ASCC1: variants seen among roughly 807,000 people sequenced by gnomAD.
ASCC1 encodes activating signal cointegrator 1 complex subunit 1.
ASCC1 carries 35 observed loss-of-function variants against 46.6 expected under a neutral mutation model. The observed-to-expected ratio is 0.75, with a 90% CI of 0.57 to 0.99. The LOEUF (loss-of-function observed/expected upper bound fraction) is 0.99, where lower values mean the gene tolerates loss of function less well. ASCC1 is among the 50% of genes least tolerant of loss of function. The probability of loss-of-function intolerance (pLI) is 0.00; values close to 1 mark genes in which losing one functional copy is unlikely to be tolerated. For synonymous variants in ASCC1, 143 were observed against 146.6 expected (o/e 0.98, Z 0.18); for missense variants, 376 against 428.7 (o/e 0.88, Z 1.09).
intron 4 of ASCC1, among the ~76,000 whole-genome samples, chr10:72,201,669 T>C (rs1000044391): frequency 5.3e-5 from 8 of 151,772 alleles, no homozygotes; most frequent in African/African-American, 1.9e-4. Context: ...CTGGGCGACA[T>C]GCTCTTGCCT....
At chr10:72,211,564 G>A (rs962941610) in intron 2 of ASCC1, among the ~76,000 whole-genome samples, 5 of 151,984 alleles carry the variant, frequency 3.3e-5, no homozygotes, top group African/African-American at 1.2e-4. Flanking sequence ...ACTCCAGAAT[G>A]CGCTTGTCTC....
Position 72,177,190 on chromosome 10 carries a change from CA to C in ASCC1, c.490-15517del, listed in dbSNP as rs1393288866. 5.9e-5 allele frequency among the ~76,000 whole-genome samples: 9 copies of C among 152,244 alleles called. 1 individual carries two copies. In the East Asian group the frequency reaches 1.7e-3, roughly 29 times the overall value. ...AACTAGTATCTCCACCGAAATGGGA[CA>C]ATATATGAATCTTGTAAATATTTCC... On this transcript the variant is annotated intron_variant, in intron 5 of 9. Coordinates refer to ENST00000672957, the MANE Select transcript of ASCC1 (RefSeq NM_001198800.3).
chr10:72,192,271 T>C (rs1229326138), intron 5 of ASCC1, among the ~76,000 whole-genome samples: 1 of 151,800 alleles, frequency 6.6e-6, no homozygotes, highest in Non-Finnish European at 1.5e-5. Flanking sequence ...CTGGCCAATA[T>C]GGTGAAACCC....
chr10:72,198,779 T>C, intron 4 of ASCC1: 1 of 431,594 alleles, frequency 2.3e-6, no homozygotes, highest in Middle Eastern at 3.6e-4. Flanking sequence ...ACATTTGGTT[T>C]TTCTATATAC....
intron 6 of ASCC1, chr10:72,158,965 C>A (rs1373259916): frequency 1.3e-5 from 2 of 152,020 alleles, no homozygotes; most frequent in Non-Finnish European, 2.9e-5. Context: ...AACAGAAGTA[C>A]CCTTTTTGTT....
At chr10:72,202,211 A>T (rs1229013547) in intron 4 of ASCC1, among the ~76,000 whole-genome samples, 1 of 152,176 alleles carries the variant, frequency 6.6e-6, no homozygotes, top group African/African-American at 2.4e-5. Context: ...TCACGCCTGT[A>T]ATCCCAGCAC....
At chr10:72,097,778 C>T (rs907640395) in intron 9 of ASCC1, among the ~76,000 whole-genome samples, 4 of 152,266 alleles carry the variant, frequency 2.6e-5, no homozygotes, top group Non-Finnish European at 5.9e-5. Flanking sequence ...CATGGCCACA[C>T]CCTGACTCAC....
At chr10:72,203,995 T>C (rs1486407648) in intron 3 of ASCC1, among the ~76,000 whole-genome samples, 1 of 152,110 alleles carries the variant, frequency 6.6e-6, no homozygotes, top group Admixed American at 6.6e-5. Flanking sequence ...ACGCCTGTAA[T>C]CCCAGCACTC....
At chr10:72,097,523 T>C in intron 9 of ASCC1, 73 bp from the exon 10 acceptor site, 1 of 919,374 alleles carries the variant, frequency 1.1e-6, no homozygotes, top group Admixed American at 1.9e-5. Flanking sequence ...CAGATTATCT[T>C]GTAAAAACAC....
chr10:72,161,594 C>T lies in ASCC1; in HGVS notation c.570G>A (p.Glu190=), dbSNP rs1291368665. The change falls in exon 6 of 10, where the codon GAG becomes GAA. Residue 190 remains glutamate, a synonymous_variant. Transcript: ENST00000672957. ...LTIGMLVLLS[E]EEIQQTCEML... The stretch of plus-strand genomic sequence containing the variant: ...TCTCACATGTCTGCTGGATCTCTTC[C>T]TCACTCAAAAGCACCAACATCCCAA... 2 of 1,614,064 alleles carry T rather than the reference C, an allele frequency of 1.2e-6. No homozygotes were observed. The highest frequency in any genetic ancestry group is 2.7e-5 in the African/African-American group (2 of 74,914).
At chr10:72,182,872 C>G (rs1303517955) in intron 5 of ASCC1, among the ~76,000 whole-genome samples, 1 of 146,694 alleles carries the variant, frequency 6.8e-6, no homozygotes, top group African/African-American at 2.7e-5. Flanking sequence ...TGACCTTACC[C>G]TGGATCTTGT....
rs191784869 is a variant in ASCC1 at position 72,108,473 on chromosome 10, T to C, written c.958-11023A>G. Among the ~76,000 whole-genome samples the C allele has an allele frequency of 9.3e-4, 142 of 152,348 alleles. 2 individuals carry two copies. The highest frequency in any genetic ancestry group is 1.7e-3 in the Non-Finnish European group (113 of 68,026). ...TTATAGCTCATAAACCAACCTTGTA[T>C]AGAAAATGTTATAATCCTACTAAAT... is the stretch of plus-strand genomic sequence containing the variant. On this transcript the variant is annotated intron_variant, in intron 9 of 9. Coordinates refer to ENST00000672957, the MANE Select transcript of ASCC1 (RefSeq NM_001198800.3).
rs765721768 is a variant in ASCC1 at position 72,128,139 on chromosome 10, C to T, written c.900G>A (p.Ala300=). 67 of 1,613,698 alleles carry T rather than the reference C, an allele frequency of 4.2e-5. No homozygotes were observed. The highest frequency in any genetic ancestry group is 6.7e-5 in the East Asian group (3 of 44,854). The stretch of plus-strand genomic sequence containing the variant: ...TTTCCTTGAAGATATATTTGCCTTC[C>T]GCTGTGTAGAGATTGTACCTGCCTT... ...NAEGRYNLYT[A]EGKYIFKERE... Residue 300 remains alanine, a synonymous_variant, in exon 9 of 10, where the codon GCG becomes GCA. Transcript: ENST00000672957.
At position 72,097,039 on chromosome 10, in the gene ASCC1, A is replaced by G. The variant is rs1342275809; in HGVS notation, c.*295T>C. The G allele has an allele frequency of 2.1e-6, 1 of 471,072 alleles. No homozygotes were observed. The highest frequency in any genetic ancestry group is 1.5e-5 in the South Asian group (1 of 64,630). 29.2% of individuals were successfully genotyped at this position (471,072 alleles called of 1,614,324 possible). On this transcript the variant is annotated 3_prime_UTR_variant, in exon 10 of 10. Transcript: ENST00000672957. ...GTTAACGTTACTGAACTGTGCACTT[A>G]AAAATGGTGAAGACAGTATGTTTTA...
chr10:72,201,025 C>T (rs1856421120), intron 4 of ASCC1, among the ~76,000 whole-genome samples: 2 of 152,218 alleles, frequency 1.3e-5, no homozygotes, highest in Admixed American at 6.6e-5. Flanking sequence ...CAGTACCTGA[C>T]ACGTGCGGCT....
rs1431968237 is a variant in ASCC1, at chr10:72,210,768, A to G, written c.176T>C (p.Phe59Ser). Residue 59 changes from phenylalanine (F) to serine (S), a missense_variant, in exon 3 of 10, where the codon TTC becomes TCC. Coordinates refer to ENST00000672957, the MANE Select transcript of ASCC1 (RefSeq NM_001198800.3). The part of the protein sequence containing the change: ...AYEVEQTPQG[F>S]RSTLRAPSLL... ...GCTGGGGGCCCTCAAAGTAGACCGG[A>G]ATCCTTGTGGGGTCTGCTCCACCTC... 1 of 1,614,008 alleles carries G rather than the reference A, an allele frequency of 6.2e-7. No individual in the cohort carries two copies. Among genetic ancestry groups the G allele is most frequent in the East Asian group, 2.2e-5 (1 of 44,894 alleles).
chr10:72,212,297 GAGCAAA>G (rs1332553559), intron 2 of ASCC1: 1 of 170,012 alleles, frequency 5.9e-6, no homozygotes, highest in African/African-American at 2.4e-5. Flanking sequence ...TGGGTGACAA[GAGCAAA>G]ACTCTGTCTC....
intron 5 of ASCC1, among the ~76,000 whole-genome samples, chr10:72,171,975 G>C (rs865981895): frequency 6.6e-6 from 1 of 152,164 alleles, no homozygotes; most frequent in African/African-American, 2.4e-5. Flanking sequence ...CCCTTCAGGG[G>C]AAGAAGACAA....
At chr10:72,183,774 CAAAAA>C (rs1344503894) in intron 5 of ASCC1, among the ~76,000 whole-genome samples, 1 of 151,970 alleles carries the variant, frequency 6.6e-6, no homozygotes, top group Non-Finnish European at 1.5e-5. Context: ...AAAAATCTTT[CAAAAA>C]AGAAGGTGAA....
Sources: gnomAD v4.1 joint callset for allele counts (sites outside exome capture counted in the v4.1 genomes callset) on GRCh38, gnomAD v4.1.1 for gene constraint, MANE v1.5 for transcripts, NCBI Gene and HGNC (gene_info 2026-07-23, HGNC 2026-07-21) for gene names.